Variants in NIBAN1 observed in about 807,000 individuals in gnomAD.
The protein encoded by NIBAN1 is niban apoptosis regulator 1, also known as protein Niban 1.
NIBAN1 carries 81 observed loss-of-function variants against 75.1 expected under a neutral mutation model. The observed-to-expected ratio is 1.08, with a 90% confidence interval of 0.90 to 1.30. The LOEUF is 1.30. Ranked by LOEUF, NIBAN1 falls within the 50% of genes most tolerant of loss-of-function variation. The probability of loss-of-function intolerance (pLI) is 0.00; values close to 1 mark genes in which losing one functional copy is unlikely to be tolerated. For missense variants in NIBAN1, 1,133 were observed against 1,128.1 expected, an observed-to-expected ratio of 1.00 and a Z score of -0.06; for synonymous variants, 436 against 424.8, an observed-to-expected ratio of 1.03 and a Z score of -0.32.
At position 184,839,674 on chromosome 1, in the gene NIBAN1, C is replaced by T. The variant is rs578017975; in HGVS notation, c.602-7712G>A. 2.0e-5 allele frequency among the ~76,000 whole-genome samples: 3 copies of T among 152,058 alleles called. No homozygotes were observed. The South Asian group carries it at 6.2e-4, about 32-fold the overall frequency. On this transcript the variant is annotated intron_variant, in intron 5 of 13. Coordinates refer to ENST00000367511, the MANE Select transcript of NIBAN1 (RefSeq NM_052966.4). ...GCAATGGCACGATCTTGGTTCACTG[C>T]AACCTCCACCTCCCGGGTTCAAGCG... is the stretch of plus-strand genomic sequence containing the variant.
At chr1:184,858,735 A>T (rs1655740262) in intron 5 of NIBAN1, among the ~76,000 whole-genome samples, 1 of 152,210 alleles carries the variant, frequency 6.6e-6, no homozygotes, top group African/African-American at 2.4e-5. Context: ...ATGTACAAGG[A>T]CACGTATTTA....
rs1182184616 is a variant in NIBAN1 at position 184,794,658 on chromosome 1, C to G, written c.*319G>C. On this transcript the variant is annotated 3_prime_UTR_variant, in exon 14 of 14. Coordinates refer to ENST00000367511, the MANE Select transcript of NIBAN1 (RefSeq NM_052966.4). ...TGAAAAGTGCAGAGTATACTCAAAA[C>G]TGTCATCCTACTGTTTTCTCAGTCT... 2.3e-6 allele frequency: 1 copy of G among 443,288 alleles called. No homozygotes were observed. Among genetic ancestry groups the G allele is most frequent in the Non-Finnish European group, 4.2e-6 (1 of 240,372 alleles). The allele number at this position is 443,288 out of a possible 1,614,324, so 27.5% of individuals were successfully genotyped here.
At chr1:184,894,035 G>T in intron 3 of NIBAN1, 40 bp downstream of exon 3, 1 of 1,545,514 alleles carries the variant, frequency 6.5e-7, no homozygotes, top group Non-Finnish European at 8.7e-7. Flanking sequence ...AAACTTTTAA[G>T]AACAGTGTAA....
intron 6 of NIBAN1, among the ~76,000 whole-genome samples, chr1:184,829,163 T>C (rs185867435): frequency 1.3e-5 from 2 of 152,314 alleles, no homozygotes; most frequent in African/African-American, 4.8e-5. Context: ...TTTCTGCTTT[T>C]TTTGTTTTGT....
At chr1:184,886,561 G>A (rs1656531225) in intron 4 of NIBAN1, among the ~76,000 whole-genome samples, 1 of 152,018 alleles carries the variant, frequency 6.6e-6, no homozygotes, top group Non-Finnish European at 1.5e-5. Context: ...ATTTTAAACC[G>A]ACTACTATTC....
chr1:184,953,475 C>T (rs1022602491), intron 1 of NIBAN1, among the ~76,000 whole-genome samples: 1 of 152,182 alleles, frequency 6.6e-6, no homozygotes, highest in Non-Finnish European at 1.5e-5. Flanking sequence ...CTTAGTGAAA[C>T]TTATGCTCAT....
chr1:184,895,471 G>A (rs538710142), intron 2 of NIBAN1, among the ~76,000 whole-genome samples: 3 of 152,186 alleles, frequency 2.0e-5, no homozygotes, highest in Non-Finnish European at 4.4e-5. Flanking sequence ...TTATCCCTAT[G>A]TACTCATGCT....
chr1:184,818,765 G>A lies in NIBAN1; in HGVS notation c.1046C>T (p.Ser349Phe). 1 of 1,612,578 alleles carries A rather than the reference G, an allele frequency of 6.2e-7. No homozygotes were observed. The highest frequency in any genetic ancestry group is 8.5e-7 in the Non-Finnish European group (1 of 1,178,754). Residue 349 changes from serine (S) to phenylalanine (F), a missense_variant, in exon 9 of 14, where the codon TCC becomes TTC. Transcript: ENST00000367511. ...CLESVQPFLA[S>F]ILEELMGPVS... ...TGGTCCCATGAGCTCCTCCAGGATGGATGCCAGGAATGGCTGCACACTCTC... is the reference window on the plus strand; with the variant it reads ...TGGTCCCATGAGCTCCTCCAGGATGAATGCCAGGAATGGCTGCACACTCTC...
At chr1:184,967,078 C>A (rs1658809906) in intron 1 of NIBAN1, among the ~76,000 whole-genome samples, 1 of 152,184 alleles carries the variant, frequency 6.6e-6, no homozygotes, top group Non-Finnish European at 1.5e-5. Context: ...TTTTTAAAAG[C>A]TGGCATGCAT....
chr1:184,970,751 T>C (rs908212026), intron 1 of NIBAN1, among the ~76,000 whole-genome samples: 1 of 152,214 alleles, frequency 6.6e-6, no homozygotes, highest in Non-Finnish European at 1.5e-5. Context: ...AGGATCTGTT[T>C]ATCCCATGGT....
intron 5 of NIBAN1, among the ~76,000 whole-genome samples, chr1:184,840,058 A>G (rs1655242617): frequency 6.6e-6 from 1 of 152,228 alleles, no homozygotes; most frequent in African/African-American, 2.4e-5. Context: ...ATATGGCATT[A>G]CTAAAAATAA....
rs1557877477 is a variant in NIBAN1 at position 184,823,162 on chromosome 1, C to T, written c.985+5G>A. 13 of 1,613,782 alleles carry T rather than the reference C, an allele frequency of 8.1e-6. No individual in the cohort carries two copies. The Middle Eastern group carries it at 5.0e-4, about 61-fold the overall frequency. ...TTAGTAAGAGCATGGATTATCTCTA[C>T]TGACCTTTGATCTTTCCAATTAAAT... On this transcript the variant is annotated splice_donor_5th_base_variant and intron_variant, in intron 8 of 13. Transcript: ENST00000367511.
At chr1:184,844,619 TA>T (rs1276385766) in intron 5 of NIBAN1, among the ~76,000 whole-genome samples, 1 of 152,138 alleles carries the variant, frequency 6.6e-6, no homozygotes, top group African/African-American at 2.4e-5. Context: ...AAAATAAGAA[TA>T]AAAATAATAG....
At chr1:184,836,418 CAT>C (rs1655145227) in intron 5 of NIBAN1, among the ~76,000 whole-genome samples, 1 of 152,194 alleles carries the variant, frequency 6.6e-6, no homozygotes, top group African/African-American at 2.4e-5. Context: ...CATAAATTTA[CAT>C]ATTTCCTCCT....
chr1:184,921,331 A>C (rs234681), intron 1 of NIBAN1, among the ~76,000 whole-genome samples: 33,263 of 152,018 alleles, frequency 0.22, 7,638 homozygotes, highest in African/African-American at 0.59. Context: ...TCTAACATAT[A>C]AAAAGACATC....
chr1:184,803,498 G>T, intron 12 of NIBAN1, 87 bp downstream of exon 12: 1 of 983,550 alleles, frequency 1.0e-6, no homozygotes, highest in Non-Finnish European at 1.6e-6. Flanking sequence ...GGTCTAGTCT[G>T]CTGTTTGCCA....
chr1:184,791,245 G>A lies in NIBAN1; in HGVS notation c.*3732C>T, dbSNP rs1048311133. On this transcript the variant is annotated 3_prime_UTR_variant, in exon 14 of 14. Coordinates refer to ENST00000367511, the MANE Select transcript of NIBAN1 (RefSeq NM_052966.4). Reference sequence around the variant, plus strand: ...GGCACATGTTGCCAACTGTTGCACCGACTGATACTATTATTAAGTCAATGA... The same window carrying A: ...GGCACATGTTGCCAACTGTTGCACCAACTGATACTATTATTAAGTCAATGA... The A allele has an allele frequency of 2.1e-5, 6 of 288,586 alleles. No homozygotes were observed. Among genetic ancestry groups the A allele is most frequent in the African/African-American group, 1.1e-4 (5 of 44,630 alleles). 17.9% of individuals were successfully genotyped at this position (288,586 alleles called of 1,614,324 possible).
At chr1:184,961,035 CCTCCCCCTTCTA>C (rs1658623018) in intron 1 of NIBAN1, among the ~76,000 whole-genome samples, 1 of 150,146 alleles carries the variant, frequency 6.7e-6, no homozygotes. Context: ...ACTTCCCCCT[CCTCCCCCTTCTA>C]TATGCCGTTC....
At chr1:184,864,673 T>C (rs1242397006) in intron 5 of NIBAN1, among the ~76,000 whole-genome samples, 3 of 152,004 alleles carry the variant, frequency 2.0e-5, no homozygotes, top group Non-Finnish European at 2.9e-5. Context: ...AAAAATAATA[T>C]TTTATTCACA....
Sources: allele counts gnomAD v4.1 joint callset (sites outside exome capture counted in the v4.1 genomes callset), GRCh38; gene constraint gnomAD v4.1.1; transcripts MANE v1.5; gene names NCBI Gene and HGNC (gene_info 2026-07-23, HGNC 2026-07-21).